ALG5: variants seen among roughly 807,000 people sequenced by gnomAD.
ALG5 encodes the protein dolichyl-phosphate beta-glucosyltransferase.
ALG5 carries 26 observed loss-of-function variants against 51.8 expected under a neutral mutation model. That is an observed-to-expected ratio of 0.50 (90% CI 0.37 to 0.70). The LOEUF is 0.70. ALG5 is among the 30% of genes least tolerant of loss of function. The pLI, the probability that ALG5 is intolerant of heterozygous loss-of-function variation, is 0.00. For missense variants in ALG5, 311 were observed against 399.3 expected (o/e 0.78, Z 1.88); for synonymous variants, 141 against 136.1 (o/e 1.04, Z -0.25).
intron 6 of ALG5, among the ~76,000 whole-genome samples, chr13:36,983,219 C>A (rs2058987474): frequency 6.6e-6 from 1 of 152,176 alleles, no homozygotes; most frequent in African/African-American, 2.4e-5. Context: ...CTGAGTGACT[C>A]CCTCTAGAAA....
rs960239786 is a variant in ALG5 at position 36,993,527 on chromosome 13, T to C, written c.354+77A>G. The C allele has an allele frequency of 5.0e-5, 62 of 1,249,640 alleles. No homozygotes were observed. The East Asian group carries it at 1.2e-3, about 25-fold the overall frequency. 77.4% of individuals were successfully genotyped at this position (1,249,640 alleles called of 1,614,324 possible). The stretch of plus-strand genomic sequence containing the variant: ...CACAGCTTTAGGGTCCCCTGGTGAA[T>C]GAAAGTGAGATTTCACATGTGCAAA... On this transcript the variant is annotated intron_variant, in intron 4 of 9. Coordinates refer to ENST00000239891, the MANE Select transcript of ALG5 (RefSeq NM_013338.5).
chr13:36,962,908 C>G (rs758272494), intron 8 of ALG5, among the ~76,000 whole-genome samples: 2 of 152,086 alleles, frequency 1.3e-5, no homozygotes, highest in Non-Finnish European at 2.9e-5. Flanking sequence ...GGTGATATGA[C>G]AATATCTTGG....
intron 9 of ALG5, among the ~76,000 whole-genome samples, chr13:36,950,672 C>G (rs1204525610): frequency 1.3e-5 from 2 of 151,930 alleles, no homozygotes; most frequent in African/African-American, 4.8e-5. Flanking sequence ...CTTGACCTCC[C>G]GGGCTCAAAC....
At chr13:36,961,503 G>C (rs1035080713) in intron 8 of ALG5, among the ~76,000 whole-genome samples, 1 of 152,174 alleles carries the variant, frequency 6.6e-6, no homozygotes, top group Non-Finnish European at 1.5e-5. Context: ...ATGAGAGTAT[G>C]TGCATAGGTT....
chr13:36,977,125 G>T (rs1487050095), intron 6 of ALG5, among the ~76,000 whole-genome samples: 1 of 152,196 alleles, frequency 6.6e-6, no homozygotes, highest in Non-Finnish European at 1.5e-5. Context: ...GAAGAATTCT[G>T]ATGTAAGAGC....
Position 36,965,305 on chromosome 13 carries a change from A to AAAGGAGAAAAAAGGAAGTCT in ALG5, c.773+269_773+270insAGACTTCCTTTTTTCTCCTT, listed in dbSNP as rs1555250584. ...TTTCTGAGCTTTTTCTTTTTTCTTC[A>AAAGGAGAAAAAAGGAAGTCT]AAGGAAAAAAAATGTTTTCAGGCCA... is the stretch of plus-strand genomic sequence containing the variant. On this transcript the variant is annotated intron_variant, in intron 8 of 9. Coordinates refer to ENST00000239891, the MANE Select transcript of ALG5 (RefSeq NM_013338.5). 6.9e-4 allele frequency among the ~76,000 whole-genome samples: 105 copies of AAAGGAGAAAAAAGGAAGTCT among 151,552 alleles called. 1 individual carries two copies. The highest frequency in any genetic ancestry group is 2.4e-3 in the African/African-American group (99 of 41,270).
At chr13:36,971,313 A>C (rs950836680) in intron 7 of ALG5, among the ~76,000 whole-genome samples, 1 of 152,204 alleles carries the variant, frequency 6.6e-6, no homozygotes, top group African/African-American at 2.4e-5. Context: ...TAACTGTGCC[A>C]ATGTTAGAAA....
chr13:36,988,382 TATATCCTGTGACCCAGCCAA>T (rs2059011293), intron 5 of ALG5, among the ~76,000 whole-genome samples: 1 of 152,240 alleles, frequency 6.6e-6, no homozygotes, highest in Non-Finnish European at 1.5e-5. Flanking sequence ...TTCTGTTTCA[TATATCCTGTGACCCAGCCAA>T]AGTGAATCAC....
At chr13:36,954,035 G>A (rs1244631358) in intron 8 of ALG5, among the ~76,000 whole-genome samples, 1 of 149,612 alleles carries the variant, frequency 6.7e-6, no homozygotes, top group Non-Finnish European at 1.5e-5. Flanking sequence ...AAAAAAGAGT[G>A]GGGTGGTTAA....
At chr13:36,952,750 A>G in intron 8 of ALG5, 151 bp from the exon 9 acceptor site, 1 of 486,594 alleles carries the variant, frequency 2.1e-6, no homozygotes. Context: ...CAAATAATTC[A>G]AAGCTGAGTA....
At chr13:36,971,450 C>T (rs1006580037) in intron 7 of ALG5, among the ~76,000 whole-genome samples, 3 of 151,822 alleles carry the variant, frequency 2.0e-5, no homozygotes, top group Non-Finnish European at 4.4e-5. Flanking sequence ...AGTTCAAGAC[C>T]AGGCTGGGCA....
chr13:36,952,620 A>G (rs1470523297), intron 8 of ALG5, 21 bp from the exon 9 acceptor site: 1 of 1,423,230 alleles, frequency 7.0e-7, no homozygotes, highest in East Asian at 2.6e-5. Flanking sequence ...AAATATATTG[A>G]TATTTATTTT....
chr13:36,994,255 C>T (rs2059038920), intron 3 of ALG5, among the ~76,000 whole-genome samples: 1 of 152,176 alleles, frequency 6.6e-6, no homozygotes, highest in African/African-American at 2.4e-5. Context: ...TAATACAGCC[C>T]TTTCTCTTTC....
chr13:36,972,991 CAAAA>C (rs375217175), intron 6 of ALG5, among the ~76,000 whole-genome samples: 1 of 108,860 alleles, frequency 9.2e-6, no homozygotes, highest in Non-Finnish European at 1.8e-5. Flanking sequence ...GACTCCGTCT[CAAAA>C]AAAAAAAAAA....
chr13:36,984,550 G>A (rs111682991), intron 6 of ALG5, among the ~76,000 whole-genome samples: 3,788 of 152,050 alleles, frequency 0.025, 113 homozygotes, highest in African/African-American at 0.075. Context: ...TAAATCTTTT[G>A]TATGCAACTT....
chr13:36,962,918 G>C (rs1436573259), intron 8 of ALG5, among the ~76,000 whole-genome samples: 1 of 152,090 alleles, frequency 6.6e-6, no homozygotes, highest in Non-Finnish European at 1.5e-5. Flanking sequence ...CAATATCTTG[G>C]AAATATATTG....
At position 36,965,714 on chromosome 13, in the gene ALG5, G is replaced by A. The variant is rs868179102; in HGVS notation, c.634C>T (p.Arg212Cys). ...KESIAQRSYF[R>C]TLLMYGFHFL... ...TGGAACCCATACATGAGAAGAGTAC[G>A]GAAGTAAGAACGCTGAAAACAAAGA... The change falls in exon 8 of 10, where the codon CGT becomes TGT. Residue 212 changes from arginine (R) to cysteine (C), a missense_variant. Physicochemically the swap from Arg to Cys is radical, Grantham distance 180. Transcript: ENST00000239891. 13 of 1,610,702 alleles carry A rather than the reference G, an allele frequency of 8.1e-6. No homozygotes were observed. The highest frequency in any genetic ancestry group is 1.1e-5 in the Non-Finnish European group (13 of 1,179,004).
chr13:36,965,752 G>T lies in ALG5; in HGVS notation c.622-26C>A. ...CTGAAAACAAAGACAAAATATAAAT[G>T]ACTTTTCCATTCATCTGTAAAGGAG... On this transcript the variant is annotated intron_variant, in intron 7 of 9. Coordinates refer to ENST00000239891, the MANE Select transcript of ALG5 (RefSeq NM_013338.5). The T allele has an allele frequency of 1.9e-6, 3 of 1,599,178 alleles. No homozygotes were observed. In the South Asian group the frequency reaches 3.4e-5, roughly 18 times the overall value.
In ALG5 at chr13:36,999,193, C is replaced by T. The variant is rs377460720; in HGVS notation, c.66+42G>A. On this transcript the variant is annotated intron_variant, in intron 1 of 9. Coordinates refer to ENST00000239891, the MANE Select transcript of ALG5 (RefSeq NM_013338.5). ...TGAGGAGCCGCAGTCTCCAGGAGAG[C>T]GGTAAGCCCCGGCCTGCGCGGGTTC... 73 of 1,517,912 alleles carry T rather than the reference C, an allele frequency of 4.8e-5. 1 individual carries two copies. Among genetic ancestry groups the T allele is most frequent in the Non-Finnish European group, 6.2e-5 (70 of 1,130,026 alleles). 94.0% of individuals were successfully genotyped at this position (1,517,912 alleles called of 1,614,324 possible). A position where few individuals can be genotyped will look rare whatever the true frequency, so the allele number is the denominator to read the frequency against.
Sources: allele counts gnomAD v4.1 joint callset (sites outside exome capture counted in the v4.1 genomes callset), GRCh38; gene constraint gnomAD v4.1.1; transcripts MANE v1.5; gene names NCBI Gene and HGNC (gene_info 2026-07-23, HGNC 2026-07-21).